RAPGEF4: variants seen among roughly 807,000 people sequenced by gnomAD.
The protein encoded by RAPGEF4 is Rap guanine nucleotide exchange factor 4, also known as RAP guanine-nucleotide-exchange factor (GEF) 4.
Under a neutral mutation model 147.9 loss-of-function variants are expected in RAPGEF4, and 66 were observed. That is an observed-to-expected ratio of 0.45 (90% CI 0.37 to 0.55). The LOEUF (loss-of-function observed/expected upper bound fraction) is 0.55. Among genes scored for constraint, RAPGEF4 ranks in the 20% least tolerant of loss-of-function variants. The pLI is 0.00. For missense variants in RAPGEF4, 1,071 were observed against 1,257.3 expected (o/e 0.85, Z 2.24); for synonymous variants, 419 against 442.7 (o/e 0.95, Z 0.67).
chr2:172,813,458 G>A (rs767334207), intron 3 of RAPGEF4, among the ~76,000 whole-genome samples: 2 of 152,178 alleles, frequency 1.3e-5, no homozygotes, highest in South Asian at 2.1e-4. Context: ...TAGTCACACC[G>A]TACTTCATCG....
intron 4 of RAPGEF4, among the ~76,000 whole-genome samples, chr2:172,892,700 G>A (rs1388660981): frequency 1.3e-5 from 2 of 152,220 alleles, no homozygotes; most frequent in Non-Finnish European, 2.9e-5. Flanking sequence ...AACACAGCCT[G>A]CTTTCTTTCC....
At chr2:172,937,007 C>T (rs1686643451) in intron 6 of RAPGEF4, among the ~76,000 whole-genome samples, 1 of 115,344 alleles carries the variant, frequency 8.7e-6, no homozygotes, top group Non-Finnish European at 1.6e-5. Flanking sequence ...CAAGACCAGA[C>T]TGGGCAACAC....
At chr2:172,909,863 A>G (rs1575205255) in intron 4 of RAPGEF4, among the ~76,000 whole-genome samples, 1 of 152,274 alleles carries the variant, frequency 6.6e-6, no homozygotes, top group Non-Finnish European at 1.5e-5. Flanking sequence ...CTAAACACCA[A>G]TAAGGCCTAC....
intron 1 of RAPGEF4, among the ~76,000 whole-genome samples, chr2:172,785,183 G>T (rs1239618685): frequency 6.6e-6 from 1 of 152,170 alleles, no homozygotes; most frequent in Non-Finnish European, 1.5e-5. Context: ...AAAATTTTCA[G>T]TAAGTGTCAA....
At chr2:172,935,728 ATTTTC>A (rs537872463) in intron 6 of RAPGEF4, among the ~76,000 whole-genome samples, 1 of 152,114 alleles carries the variant, frequency 6.6e-6, no homozygotes, top group South Asian at 2.1e-4. Context: ...TCAGAATCAA[ATTTTC>A]TTTTGCACCG....
chr2:172,819,010 C>T (rs1246496009), intron 4 of RAPGEF4, among the ~76,000 whole-genome samples: 5 of 152,152 alleles, frequency 3.3e-5, no homozygotes, highest in African/African-American at 4.8e-5. Context: ...GAAGCATTTC[C>T]TCAATAGTCT....
intron 29 of RAPGEF4, among the ~76,000 whole-genome samples, chr2:173,039,051 C>T (rs567616811): frequency 6.6e-6 from 1 of 152,338 alleles, no homozygotes; most frequent in South Asian, 2.1e-4. Flanking sequence ...CTCACAGAGT[C>T]CACTTTTGCT....
chr2:172,888,137 A>G lies in RAPGEF4; in HGVS notation c.445-29665A>G, dbSNP rs527313335. On this transcript the variant is annotated intron_variant, in intron 4 of 30. Transcript: ENST00000397081. ...TGATTAATAACTGGGGGTGTTGAATATTATTAACCAGTGCACAGAAAAGAG... is the reference window on the plus strand; with the variant it reads ...TGATTAATAACTGGGGGTGTTGAATGTTATTAACCAGTGCACAGAAAAGAG... Among the ~76,000 whole-genome samples the G allele has an allele frequency of 3.9e-5, 6 of 152,364 alleles. No homozygotes were observed. The East Asian group carries it at 1.2e-3, about 29-fold the overall frequency.
intron 15 of RAPGEF4, 129 bp downstream of exon 15, chr2:172,991,054 A>G: frequency 2.9e-6 from 2 of 678,684 alleles, no homozygotes; most frequent in East Asian, 2.7e-5. Context: ...TTTCCTCTCT[A>G]TTGACTAATC....
chr2:172,841,804 A>ACACACACACACACACACACACACG (rs1691631489), intron 4 of RAPGEF4, among the ~76,000 whole-genome samples: 1 of 137,302 alleles, frequency 7.3e-6, no homozygotes, highest in Non-Finnish European at 1.5e-5. Flanking sequence ...ACACACACAC[A>ACACACACACACACACACACACACG]CACACACACA....
rs901504488 is a variant in RAPGEF4, at chr2:172,920,519, C to A, written c.518-1762C>A. 2.6e-5 allele frequency among the ~76,000 whole-genome samples: 4 copies of A among 152,254 alleles called. No individual in the cohort carries two copies. In the East Asian group the frequency reaches 5.8e-4, roughly 22 times the overall value. ...TTAATGTTAGACAGTCTCCTTCCCT[C>A]CTTTCTCCTGATCATATCACTCTGC... On this transcript the variant is annotated intron_variant, in intron 5 of 30. Transcript: ENST00000397081.
chr2:172,961,657 A>T (rs1407867703), intron 8 of RAPGEF4, among the ~76,000 whole-genome samples: 1 of 152,190 alleles, frequency 6.6e-6, no homozygotes, highest in Non-Finnish European at 1.5e-5. Flanking sequence ...CAGATAACAA[A>T]ACTGAGGCTT....
At chr2:172,869,107 TC>T (rs942482425) in intron 4 of RAPGEF4, among the ~76,000 whole-genome samples, 3 of 152,058 alleles carry the variant, frequency 2.0e-5, no homozygotes, top group South Asian at 2.1e-4. Flanking sequence ...AAACTGAATT[TC>T]CCCCCATTCT....
At position 173,007,602 on chromosome 2, in the gene RAPGEF4, A is replaced by G. The variant is rs368724631; in HGVS notation, c.1658+6258A>G. 1.2e-4 allele frequency among the ~76,000 whole-genome samples: 18 copies of G among 152,338 alleles called. No individual in the cohort carries two copies. In the East Asian group the frequency reaches 1.9e-3, roughly 16 times the overall value. On this transcript the variant is annotated intron_variant, in intron 17 of 30. Coordinates refer to ENST00000397081, the MANE Select transcript of RAPGEF4 (RefSeq NM_007023.4). The stretch of plus-strand genomic sequence containing the variant: ...TGTTTTACCTGTATTATCTCATTTC[A>G]TCCTTGACAGCAATCTTATGAAGTT...
chr2:172,762,284 T>C (rs1182129038), intron 1 of RAPGEF4, among the ~76,000 whole-genome samples: 1 of 152,138 alleles, frequency 6.6e-6, no homozygotes, highest in East Asian at 1.9e-4. Flanking sequence ...TATCCAGCAT[T>C]CCTCCCTCTC....
intron 6 of RAPGEF4, among the ~76,000 whole-genome samples, chr2:172,954,114 G>A (rs997863502): frequency 6.6e-6 from 1 of 152,092 alleles, no homozygotes; most frequent in Non-Finnish European, 1.5e-5. Flanking sequence ...AAACTGGTGG[G>A]GTTGAAGTAG....
intron 15 of RAPGEF4, among the ~76,000 whole-genome samples, chr2:172,991,583 G>A (rs1397079283): frequency 1.3e-5 from 2 of 152,184 alleles, no homozygotes; most frequent in Non-Finnish European, 2.9e-5. Flanking sequence ...TGAGTGGTAA[G>A]ACAGAATAGA....
intron 11 of RAPGEF4, 32 bp from the exon 12 acceptor site, chr2:172,985,401 G>A (rs1389537382): frequency 1.9e-6 from 3 of 1,613,896 alleles, no homozygotes; most frequent in Non-Finnish European, 8.5e-7. Context: ...TGGAAATGTG[G>A]CCTTTGCATG....
chr2:173,040,973 A>G (rs1354683595), intron 29 of RAPGEF4, among the ~76,000 whole-genome samples: 1 of 152,184 alleles, frequency 6.6e-6, no homozygotes, highest in Non-Finnish European at 1.5e-5. Context: ...AAGCATGCTG[A>G]TAAGAGATTG....
Sources: allele counts gnomAD v4.1 joint callset (sites outside exome capture counted in the v4.1 genomes callset), GRCh38; gene constraint gnomAD v4.1.1; transcripts MANE v1.5; gene names NCBI Gene and HGNC (gene_info 2026-07-23, HGNC 2026-07-21).